Variants in MARCHF11 observed in about 807,000 individuals in gnomAD.
The protein encoded by MARCHF11 is membrane associated ring-CH-type finger 11, also known as E3 ubiquitin-protein ligase MARCHF11.
A neutral mutation model predicts 37.3 loss-of-function variants in MARCHF11; 29 were observed. The ratio of observed to expected loss-of-function variants is 0.78; its 90% CI spans 0.58 to 1.06. The LOEUF (loss-of-function observed/expected upper bound fraction) is 1.06. MARCHF11 is among the 50% of genes least tolerant of loss of function. The probability of loss-of-function intolerance (pLI) is 0.00; values close to 1 mark genes in which losing one functional copy is unlikely to be tolerated. For missense variants in MARCHF11, 482 were observed against 533.4 expected, an observed-to-expected ratio of 0.90 and a Z score of 0.95; for synonymous variants, 233 against 228.0, an observed-to-expected ratio of 1.02 and a Z score of -0.20.
At chr5:16,150,302 T>C (rs1329411233) in intron 2 of MARCHF11, among the ~76,000 whole-genome samples, 2 of 149,020 alleles carry the variant, frequency 1.3e-5, no homozygotes, top group African/African-American at 5.2e-5. Context: ...AGTGTGAGAG[T>C]CTTGTCTTTC....
intron 2 of MARCHF11, among the ~76,000 whole-genome samples, chr5:16,171,629 T>C (rs1738266449): frequency 6.6e-6 from 1 of 152,196 alleles, no homozygotes; most frequent in South Asian, 2.1e-4. Flanking sequence ...ATTTATACAG[T>C]GTCTGTGGTA....
chr5:16,077,240 A>T (rs1360492286), intron 3 of MARCHF11, among the ~76,000 whole-genome samples: 2 of 152,090 alleles, frequency 1.3e-5, no homozygotes, highest in Non-Finnish European at 2.9e-5. Flanking sequence ...TCTTAGAAAG[A>T]GACTTTCTAA....
At chr5:16,160,134 T>G (rs553966351) in intron 2 of MARCHF11, among the ~76,000 whole-genome samples, 1 of 151,204 alleles carries the variant, frequency 6.6e-6, no homozygotes, top group Admixed American at 6.6e-5. Flanking sequence ...ATAAGTGATA[T>G]TCTCTAAAGA....
Position 16,091,076 on chromosome 5 carries a change from C to G in MARCHF11, c.699G>C (p.Gln233His). ...AIKMKQPCQW[Q>H]SISITLVEKV... is the part of the protein sequence containing the mutation. ...TCTCAACCAGTGTTATAGAAATGCT[C>G]TGCCACTAAAAGAAAAACAGAGGCA... The change falls in exon 3 of 4, where the codon CAG becomes CAC. Residue 233 changes from glutamine (Q) to histidine (H), a missense_variant. Coordinates refer to ENST00000332432, the MANE Select transcript of MARCHF11 (RefSeq NM_001102562.3). 3 of 1,579,048 alleles carry G rather than the reference C, an allele frequency of 1.9e-6. No homozygotes were observed. Among genetic ancestry groups the G allele is most frequent in the Non-Finnish European group, 2.6e-6 (3 of 1,162,036 alleles).
chr5:16,115,240 C>G (rs1737210507), intron 2 of MARCHF11, among the ~76,000 whole-genome samples: 1 of 152,122 alleles, frequency 6.6e-6, no homozygotes, highest in Non-Finnish European at 1.5e-5. Flanking sequence ...GTAATAAGTG[C>G]CTTCTCAGTC....
chr5:16,082,091 A>C (rs376005018), intron 3 of MARCHF11, among the ~76,000 whole-genome samples: 1 of 152,240 alleles, frequency 6.6e-6, no homozygotes, highest in South Asian at 2.1e-4. Context: ...CAAAGCATAT[A>C]AAGGATAAAG....
intron 2 of MARCHF11, among the ~76,000 whole-genome samples, chr5:16,132,231 G>A (rs545480108): frequency 2.6e-5 from 4 of 152,314 alleles, no homozygotes; most frequent in East Asian, 1.9e-4. Flanking sequence ...ACAATAAGAG[G>A]AAATAAGTAT....
At chr5:16,132,905 C>G (rs903676828) in intron 2 of MARCHF11, among the ~76,000 whole-genome samples, 1 of 152,060 alleles carries the variant, frequency 6.6e-6, no homozygotes, top group Admixed American at 6.6e-5. Flanking sequence ...AAAATTCACA[C>G]TGCAGTAAGC....
intron 2 of MARCHF11, among the ~76,000 whole-genome samples, chr5:16,147,976 T>C (rs753685366): frequency 2.0e-5 from 3 of 152,166 alleles, no homozygotes; most frequent in Non-Finnish European, 2.9e-5. Context: ...TACAATTGTA[T>C]ATTCCAGAGA....
At chr5:16,153,172 G>C (rs541967575) in intron 2 of MARCHF11, among the ~76,000 whole-genome samples, 1 of 151,990 alleles carries the variant, frequency 6.6e-6, no homozygotes, top group Non-Finnish European at 1.5e-5. Flanking sequence ...GTAATGTGAC[G>C]TGATCAGAAA....
intron 2 of MARCHF11, among the ~76,000 whole-genome samples, chr5:16,137,087 C>T (rs1241058054): frequency 6.6e-6 from 1 of 152,108 alleles, no homozygotes; most frequent in Non-Finnish European, 1.5e-5. Context: ...ACTAACACAT[C>T]TATTATGTAA....
At chr5:16,144,989 T>C (rs1054185886) in intron 2 of MARCHF11, among the ~76,000 whole-genome samples, 1 of 152,196 alleles carries the variant, frequency 6.6e-6, no homozygotes, top group African/African-American at 2.4e-5. Context: ...CAAAATCTTC[T>C]CATTAGGATT....
chr5:16,071,952 T>G (rs141930757), intron 3 of MARCHF11, among the ~76,000 whole-genome samples: 1 of 151,666 alleles, frequency 6.6e-6, no homozygotes, highest in Admixed American at 6.6e-5. Context: ...TTTGTGTGTT[T>G]TTTTGTTTTT....
At chr5:16,071,779 G>T (rs1420218477) in intron 3 of MARCHF11, among the ~76,000 whole-genome samples, 1 of 152,064 alleles carries the variant, frequency 6.6e-6, no homozygotes, top group Non-Finnish European at 1.5e-5. Context: ...ATTCCATATT[G>T]TGTTACCAGT....
At chr5:16,173,761 C>G (rs1446248292) in intron 2 of MARCHF11, among the ~76,000 whole-genome samples, 1 of 152,196 alleles carries the variant, frequency 6.6e-6, no homozygotes. Context: ...GCTGACTTAA[C>G]AGATCATAAT....
At chr5:16,097,530 A>G (rs1053206094) in intron 2 of MARCHF11, among the ~76,000 whole-genome samples, 5 of 152,240 alleles carry the variant, frequency 3.3e-5, no homozygotes, top group Admixed American at 1.3e-4. Context: ...AACTGATTCT[A>G]AAGATGGAAA....
chr5:16,171,636 G>A (rs1290964579), intron 2 of MARCHF11, among the ~76,000 whole-genome samples: 1 of 152,118 alleles, frequency 6.6e-6, no homozygotes, highest in African/African-American at 2.4e-5. Context: ...CAGTGTCTGT[G>A]GTAGCTTTCA....
intron 3 of MARCHF11, among the ~76,000 whole-genome samples, chr5:16,084,993 A>AAT (rs1736671836): frequency 6.7e-6 from 1 of 150,278 alleles, no homozygotes; most frequent in African/African-American, 2.4e-5. Context: ...GATCAGAGTG[A>AAT]GTGTGTGTGT....
intron 3 of MARCHF11, among the ~76,000 whole-genome samples, chr5:16,085,210 T>C (rs1301268810): frequency 1.3e-5 from 2 of 152,144 alleles, no homozygotes; most frequent in African/African-American, 4.8e-5. Flanking sequence ...ATAGATTTTT[T>C]TTTTTAAAGT....
Sources: gnomAD v4.1 joint callset for allele counts (sites outside exome capture counted in the v4.1 genomes callset) on GRCh38, gnomAD v4.1.1 for gene constraint, MANE v1.5 for transcripts, NCBI Gene and HGNC (gene_info 2026-07-23, HGNC 2026-07-21) for gene names.